Variants in HECW2 observed in about 807,000 individuals in gnomAD.
HECW2 encodes the protein E3 ubiquitin-protein ligase HECW2.
A neutral mutation model predicts 175.2 loss-of-function variants in HECW2; 61 were observed. The observed-to-expected ratio is 0.35, with a 90% CI of 0.28 to 0.43. The LOEUF (loss-of-function observed/expected upper bound fraction) is 0.43, where lower values mean the gene tolerates loss of function less well. Among genes scored for constraint, HECW2 ranks in the 20% least tolerant of loss-of-function variants. The probability of loss-of-function intolerance (pLI) is 1.00; values close to 1 mark genes in which losing one functional copy is unlikely to be tolerated. For missense variants in HECW2, 1,524 were observed against 2,000.5 expected, an observed-to-expected ratio of 0.76 and a Z score of 4.54; for synonymous variants, 671 against 731.0, an observed-to-expected ratio of 0.92 and a Z score of 1.32.
chr2:196,511,807 C>T (rs549152950), intron 1 of HECW2, among the ~76,000 whole-genome samples: 23 of 151,984 alleles, frequency 1.5e-4, no homozygotes, highest in Admixed American at 9.2e-4. Flanking sequence ...TCTAGAGAGA[C>T]CAGAAGGGGA....
chr2:196,536,427 C>G (rs894377239), intron 1 of HECW2, among the ~76,000 whole-genome samples: 3 of 152,188 alleles, frequency 2.0e-5, no homozygotes, highest in Non-Finnish European at 4.4e-5. Context: ...TGGGCACTTG[C>G]TTTCCAGAGG....
chr2:196,435,576 G>GA (rs1022136192), intron 1 of HECW2, among the ~76,000 whole-genome samples: 4 of 152,136 alleles, frequency 2.6e-5, no homozygotes, highest in Admixed American at 6.5e-5. Context: ...TTCCTCTCTA[G>GA]AAAAAAGTGA....
At position 196,287,792 on chromosome 2, in the gene HECW2, C is replaced by T. The variant is rs532946673; in HGVS notation, c.3000+4773G>A. Among the ~76,000 whole-genome samples the T allele has an allele frequency of 6.1e-4, 93 of 152,230 alleles. 1 individual carries two copies. In the South Asian group the frequency reaches 0.018, roughly 29 times the overall value. On this transcript the variant is annotated intron_variant, in intron 14 of 28. Transcript: ENST00000644978. Reference sequence around the variant, plus strand: ...GTGCTTTCCTGTCTCTGTGCCTTTCCTTTGGGTGTTTTCCCCACCCCATTC... The same window carrying T: ...GTGCTTTCCTGTCTCTGTGCCTTTCTTTTGGGTGTTTTCCCCACCCCATTC...
At chr2:196,419,173 T>A (rs1019830693) in intron 2 of HECW2, among the ~76,000 whole-genome samples, 4 of 152,166 alleles carry the variant, frequency 2.6e-5, no homozygotes, top group African/African-American at 7.2e-5. Context: ...AATAACACAG[T>A]GTAATCAGCA....
intron 7 of HECW2, among the ~76,000 whole-genome samples, chr2:196,321,564 AT>A (rs1398465938): frequency 6.6e-6 from 1 of 151,634 alleles, no homozygotes; most frequent in East Asian, 1.9e-4. Context: ...CACTCAGCTA[AT>A]TTTTTTGTAT....
chr2:196,284,871 G>GA (rs1559010809), intron 14 of HECW2, among the ~76,000 whole-genome samples: 2 of 152,108 alleles, frequency 1.3e-5, no homozygotes, highest in African/African-American at 4.8e-5. Flanking sequence ...GAAAAATATG[G>GA]AAAAATAGAT....
chr2:196,288,300 T>G (rs943887013), intron 14 of HECW2: 3 of 152,180 alleles, frequency 2.0e-5, no homozygotes, highest in African/African-American at 4.8e-5. Flanking sequence ...AGAATTCCAC[T>G]GATACAGCAA....
At chr2:196,501,755 T>G (rs1300371400) in intron 1 of HECW2, among the ~76,000 whole-genome samples, 1 of 152,236 alleles carries the variant, frequency 6.6e-6, no homozygotes, top group Non-Finnish European at 1.5e-5. Flanking sequence ...GACTTAGGCT[T>G]ACTTCTAATT....
chr2:196,309,079 C>G (rs1365483772), intron 10 of HECW2, among the ~76,000 whole-genome samples: 2 of 152,162 alleles, frequency 1.3e-5, no homozygotes, highest in Non-Finnish European at 2.9e-5. Context: ...TCAACAGACA[C>G]AGTGGGGCTA....
rs1339574191 is a variant in HECW2 at position 196,209,768 on chromosome 2, T to C, written c.4607+6097A>G. On this transcript the variant is annotated intron_variant, in intron 28 of 28. Transcript: ENST00000644978. Reference sequence around the variant, plus strand: ...GATGGTTTTTCTTTCTTTCTTTCTTTTTTTTTTTTTTTTGAGACGGAGTCT... The same window carrying C: ...GATGGTTTTTCTTTCTTTCTTTCTTCTTTTTTTTTTTTTGAGACGGAGTCT... Among the ~76,000 whole-genome samples the C allele has an allele frequency of 7.9e-5, 5 of 62,914 alleles. No homozygotes were observed. The East Asian group carries it at 5.3e-3, about 67-fold the overall frequency. The allele number at this position is 62,914 out of a possible 152,430, so 41.3% of individuals were successfully genotyped here.
chr2:196,553,685 G>A (rs1057113459), intron 1 of HECW2, among the ~76,000 whole-genome samples: 1 of 152,202 alleles, frequency 6.6e-6, no homozygotes, highest in Admixed American at 6.5e-5. Flanking sequence ...ACTCTGATTT[G>A]CGGAACAACA....
At chr2:196,209,323 C>T (rs1485440983) in intron 28 of HECW2, among the ~76,000 whole-genome samples, 2 of 152,060 alleles carry the variant, frequency 1.3e-5, no homozygotes, top group African/African-American at 4.8e-5. Context: ...AGAAGAGTCC[C>T]TTTTTTTAAT....
At chr2:196,522,802 T>C (rs1281552810) in intron 1 of HECW2, among the ~76,000 whole-genome samples, 1 of 151,920 alleles carries the variant, frequency 6.6e-6, no homozygotes, top group African/African-American at 2.4e-5. Context: ...TATGCGGCGT[T>C]ATTTCTGAGG....
chr2:196,218,551 C>G (rs1443106842), intron 26 of HECW2, among the ~76,000 whole-genome samples: 2 of 152,080 alleles, frequency 1.3e-5, no homozygotes, highest in East Asian at 3.9e-4. Flanking sequence ...TGGTGGCTTA[C>G]ACATGTAATC....
At chr2:196,357,086 G>A (rs1693399572) in intron 2 of HECW2, among the ~76,000 whole-genome samples, 4 of 152,174 alleles carry the variant, frequency 2.6e-5, no homozygotes, top group South Asian at 4.1e-4. Context: ...ATTAAAAAAT[G>A]ATAAAGATAA....
intron 2 of HECW2, among the ~76,000 whole-genome samples, chr2:196,426,801 T>C (rs1695561319): frequency 6.6e-6 from 1 of 152,146 alleles, no homozygotes; most frequent in Non-Finnish European, 1.5e-5. Flanking sequence ...CCTTAGTTAT[T>C]TATTTATAAA....
At chr2:196,235,111 G>T (rs13014138) in intron 21 of HECW2, among the ~76,000 whole-genome samples, 139,181 of 148,214 alleles carry the variant, frequency 0.94, 65,756 homozygotes, top group Non-Finnish European at 1. Flanking sequence ...TTTTTTTTTT[G>T]TTTTTAGACC....
At chr2:196,440,985 A>T (rs1007540662) in intron 1 of HECW2, among the ~76,000 whole-genome samples, 1 of 152,214 alleles carries the variant, frequency 6.6e-6, no homozygotes, top group Non-Finnish European at 1.5e-5. Flanking sequence ...ATCTGTTTCA[A>T]ACAACTGAAA....
chr2:196,525,607 G>A (rs201834791), intron 1 of HECW2, among the ~76,000 whole-genome samples: 2,240 of 86,020 alleles, frequency 0.026, 25 homozygotes, highest in African/African-American at 0.063. Flanking sequence ...ATTTTGCAGC[G>A]GCTGGTACCG....
Sources: allele counts gnomAD v4.1 joint callset (sites outside exome capture counted in the v4.1 genomes callset), GRCh38; gene constraint gnomAD v4.1.1; transcripts MANE v1.5; gene names NCBI Gene and HGNC (gene_info 2026-07-23, HGNC 2026-07-21).